The following VRK2 variants were observed in gnomAD, a reference collection of about 807,000 sequenced individuals.
VRK2 encodes VRK serine/threonine kinase 2, also known as serine/threonine-protein kinase VRK2.
VRK2 carries 60 observed loss-of-function variants against 57.6 expected under a neutral mutation model. The ratio of observed to expected loss-of-function variants is 1.04; its 90% CI spans 0.85 to 1.29. The LOEUF (loss-of-function observed/expected upper bound fraction) is 1.29. Among genes scored for constraint, VRK2 ranks in the 50% most tolerant of loss-of-function variants. The pLI, the probability that VRK2 is intolerant of heterozygous loss-of-function variation, is 0.00. For missense variants in VRK2, 705 were observed against 588.1 expected, an observed-to-expected ratio of 1.20 and a Z score of -2.06; for synonymous variants, 231 against 199.2, an observed-to-expected ratio of 1.16 and a Z score of -1.35.
Position 58,137,116 on chromosome 2 carries a change from CAT to C in VRK2, c.856+1922_856+1923del, listed in dbSNP as rs1195980943. 1.4e-4 allele frequency among the ~76,000 whole-genome samples: 9 copies of C among 64,940 alleles called. No homozygotes were observed. The East Asian group carries it at 1.5e-3, about 11-fold the overall frequency. 42.6% of individuals were successfully genotyped at this position (64,940 alleles called of 152,430 possible). The stretch of plus-strand genomic sequence containing the variant: ...TATATATCATATATATAACATATAT[CAT>C]ATATGTGTATATATCATATATCATA... On this transcript the variant is annotated intron_variant, in intron 10 of 12. Transcript: ENST00000340157.
At chr2:58,038,720 A>G (rs1674352356) in intron 3 of VRK2, among the ~76,000 whole-genome samples, 1 of 152,088 alleles carries the variant, frequency 6.6e-6, no homozygotes, top group Non-Finnish European at 1.5e-5. Flanking sequence ...TACAAGTCTA[A>G]CTTCTTTGAG....
intron 2 of VRK2, among the ~76,000 whole-genome samples, chr2:58,079,287 G>T (rs887709775): frequency 2.6e-5 from 4 of 151,988 alleles, no homozygotes; most frequent in African/African-American, 9.7e-5. Flanking sequence ...TGCCAGGTTA[G>T]CCTGCCATAA....
intron 3 of VRK2, among the ~76,000 whole-genome samples, chr2:58,039,380 C>CA (rs200241422): frequency 0.031 from 4,771 of 152,218 alleles, 97 homozygotes; most frequent in Non-Finnish European, 0.048. Context: ...CTGTTCTCCA[C>CA]AAAAAACTTT....
At chr2:58,046,209 T>A (rs1335953159), upstream of VRK2, among the ~76,000 whole-genome samples, 1 of 152,218 alleles carries the variant, frequency 6.6e-6, no homozygotes, top group African/African-American at 2.4e-5. Context: ...CATAATCTTA[T>A]AACCAATAAC....
chr2:58,074,962 G>A (rs370395361), intron 2 of VRK2, among the ~76,000 whole-genome samples: 13 of 152,112 alleles, frequency 8.5e-5, no homozygotes, highest in East Asian at 3.9e-4. Context: ...TAAATTGTGC[G>A]TCATGGGAGT....
intron 2 of VRK2, among the ~76,000 whole-genome samples, chr2:58,056,872 G>A (rs1240271241): frequency 6.6e-6 from 1 of 152,168 alleles, no homozygotes; most frequent in African/African-American, 2.4e-5. Context: ...GACTGGAAGC[G>A]AGGAGGGTCT....
chr2:58,050,899 C>CA (rs1675622032), intron 2 of VRK2, among the ~76,000 whole-genome samples: 1 of 151,736 alleles, frequency 6.6e-6, no homozygotes, highest in Admixed American at 6.6e-5. Flanking sequence ...GGCTGGAGTG[C>CA]AGTGGCTCAA....
rs538440958 is a variant in VRK2, at chr2:57,918,874, G to A, written c.-439+11035G>A. 2.0e-5 allele frequency among the ~76,000 whole-genome samples: 3 copies of A among 152,136 alleles called. No individual in the cohort carries two copies. In the South Asian group the frequency reaches 6.2e-4, roughly 31 times the overall value. ...ATCCTTCTTGATAAAATACAATGCT[G>A]ATTAATGCTGATCTTAAGAACATTT... On this transcript the variant is annotated intron_variant, in intron 1 of 15. Coordinates refer to the VRK2 transcript ENST00000417641.
intron 2 of VRK2, 51 bp downstream of exon 2, chr2:58,049,018 C>T (rs774180495): frequency 2.1e-5 from 33 of 1,572,154 alleles, no homozygotes; most frequent in African/African-American, 4.1e-5. Flanking sequence ...TGACTGTAAC[C>T]GTGATTACTT....
chr2:57,923,558 G>T (rs780721422), intron 1 of VRK2, among the ~76,000 whole-genome samples: 6 of 150,658 alleles, frequency 4.0e-5, no homozygotes, highest in Non-Finnish European at 8.9e-5. Flanking sequence ...CAGATCTTTT[G>T]TCTGTTTTTA....
intron 12 of VRK2, among the ~76,000 whole-genome samples, chr2:58,151,419 C>T (rs765023345): frequency 2.0e-5 from 3 of 151,718 alleles, no homozygotes; most frequent in South Asian, 2.1e-4. Context: ...AACATTTATA[C>T]ATTGTATCCA....
At chr2:58,104,847 G>C (rs371719750) in intron 7 of VRK2, among the ~76,000 whole-genome samples, 3 of 151,860 alleles carry the variant, frequency 2.0e-5, no homozygotes, top group South Asian at 2.1e-4. Context: ...GCATGGTTCT[G>C]GTATCAAAAT....
chr2:58,137,545 A>T (rs1680722985), intron 10 of VRK2, among the ~76,000 whole-genome samples: 1 of 152,008 alleles, frequency 6.6e-6, no homozygotes, highest in Non-Finnish European at 1.5e-5. Context: ...AAAGTGTTGA[A>T]ACTTTAATAT....
chr2:57,936,615 C>T (rs2103945704), intron 1 of VRK2, among the ~76,000 whole-genome samples: 1 of 150,048 alleles, frequency 6.7e-6, no homozygotes, highest in South Asian at 2.1e-4. Context: ...CTCACTGCAA[C>T]CTCCGCCTGT....
intron 7 of VRK2, among the ~76,000 whole-genome samples, chr2:58,094,932 T>G (rs1013621207): frequency 1.3e-5 from 2 of 152,314 alleles, no homozygotes; most frequent in South Asian, 4.1e-4. Flanking sequence ...TCCCTGTAGT[T>G]CTCCGTTTTC....
At chr2:57,925,950 A>C (rs1670517284) in intron 1 of VRK2, among the ~76,000 whole-genome samples, 1 of 151,952 alleles carries the variant, frequency 6.6e-6, no homozygotes, top group African/African-American at 2.4e-5. Flanking sequence ...TGTTTGAAAA[A>C]AATGTTTTAA....
At chr2:58,157,021 C>G (rs1683987839) in intron 12 of VRK2, among the ~76,000 whole-genome samples, 1 of 152,126 alleles carries the variant, frequency 6.6e-6, no homozygotes, top group Admixed American at 6.5e-5. Flanking sequence ...GGTGACTAAA[C>G]CTGATCATTT....
At position 58,154,685 on chromosome 2, in the gene VRK2, A is replaced by G. The variant is rs921247730; in HGVS notation, c.1183-4664A>G. 8.3e-5 allele frequency: 59 copies of G among 713,980 alleles called. No individual in the cohort carries two copies. The East Asian group carries it at 1.1e-3, about 13-fold the overall frequency. The allele number at this position is 713,980 out of a possible 1,614,324, so 44.2% of individuals were successfully genotyped here. A position where few individuals can be genotyped will look rare whatever the true frequency, so the allele number is the denominator to read the frequency against. On this transcript the variant is annotated intron_variant, in intron 12 of 12. Transcript: ENST00000340157. ...TAAAGGGGTCTTTAAATTTTAAAGC[A>G]TTTGGAGATTTTCCTATTATTTCTT...
intron 1 of VRK2, among the ~76,000 whole-genome samples, chr2:57,976,967 T>C (rs1672270337): frequency 6.6e-6 from 1 of 152,122 alleles, no homozygotes; most frequent in Non-Finnish European, 1.5e-5. Flanking sequence ...TACTGTTTAT[T>C]GAATAGAGAG....
Sources: allele counts gnomAD v4.1 joint callset (sites outside exome capture counted in the v4.1 genomes callset), GRCh38; gene constraint gnomAD v4.1.1; transcripts MANE v1.5; gene names NCBI Gene and HGNC (gene_info 2026-07-23, HGNC 2026-07-21).